Variants in RUNDC3B observed in about 807,000 individuals in gnomAD.
RUNDC3B encodes RUN domain-containing protein 3B.
Under a neutral mutation model 58.4 loss-of-function variants are expected in RUNDC3B, and 33 were observed. The ratio of observed to expected loss-of-function variants is 0.56; its 90% CI spans 0.43 to 0.75. RUNDC3B has a LOEUF of 0.75. Ranked by LOEUF, RUNDC3B falls within the 30% of genes least tolerant of loss-of-function variation. The pLI is 0.00. For missense variants in RUNDC3B, 501 were observed against 535.7 expected, an observed-to-expected ratio of 0.94 and a Z score of 0.64; for synonymous variants, 193 against 195.2, an observed-to-expected ratio of 0.99 and a Z score of 0.10.
At chr7:87,785,686 A>G (rs897713422) in intron 8 of RUNDC3B, among the ~76,000 whole-genome samples, 5 of 152,282 alleles carry the variant, frequency 3.3e-5, no homozygotes, top group African/African-American at 1.2e-4. Flanking sequence ...AGGGAGCACT[A>G]CTTTCTCCTG....
chr7:87,784,184 C>A (rs1835086393), intron 8 of RUNDC3B, among the ~76,000 whole-genome samples: 2 of 152,148 alleles, frequency 1.3e-5, no homozygotes, highest in African/African-American at 4.8e-5. Context: ...TTCAATCTTG[C>A]CATCTAGATT....
chr7:87,724,931 G>T (rs1440703876), intron 4 of RUNDC3B, among the ~76,000 whole-genome samples: 1 of 151,742 alleles, frequency 6.6e-6, no homozygotes, highest in African/African-American at 2.4e-5. Context: ...ATATAGAAAA[G>T]AAATAATTAT....
chr7:87,639,310 G>A (rs1410513848), intron 1 of RUNDC3B, among the ~76,000 whole-genome samples: 1 of 152,146 alleles, frequency 6.6e-6, no homozygotes, highest in Non-Finnish European at 1.5e-5. Flanking sequence ...GCTTTATGAT[G>A]CAGTATATGG....
At chr7:87,692,640 A>C (rs761297406) in intron 2 of RUNDC3B, among the ~76,000 whole-genome samples, 2 of 152,166 alleles carry the variant, frequency 1.3e-5, no homozygotes, top group Admixed American at 6.5e-5. Flanking sequence ...TTTTACTTTG[A>C]TAAGTTTTTA....
chr7:87,706,635 C>G (rs1038397262), intron 3 of RUNDC3B, among the ~76,000 whole-genome samples: 1 of 152,194 alleles, frequency 6.6e-6, no homozygotes, highest in African/African-American at 2.4e-5. Flanking sequence ...GCACATCCAT[C>G]TTTGCTTTAG....
At chr7:87,780,122 TTTA>T (rs758549086) in intron 8 of RUNDC3B, among the ~76,000 whole-genome samples, 20 of 152,280 alleles carry the variant, frequency 1.3e-4, no homozygotes, top group Admixed American at 2.6e-4. Context: ...GGCAGACCAA[TTTA>T]TTTTCTTTTG....
At chr7:87,798,930 A>G (rs889742693) in intron 8 of RUNDC3B, among the ~76,000 whole-genome samples, 6 of 152,194 alleles carry the variant, frequency 3.9e-5, no homozygotes, top group Non-Finnish European at 7.4e-5. Flanking sequence ...ATAATTGTAA[A>G]GTTATATAAA....
intron 1 of RUNDC3B, among the ~76,000 whole-genome samples, chr7:87,641,985 T>C (rs1262673688): frequency 6.6e-6 from 1 of 152,074 alleles, no homozygotes; most frequent in Admixed American, 6.6e-5. Context: ...TCACAAAACA[T>C]CTGTATCTTA....
At chr7:87,699,559 C>T (rs1032500980) in intron 2 of RUNDC3B, among the ~76,000 whole-genome samples, 7 of 152,148 alleles carry the variant, frequency 4.6e-5, no homozygotes, top group African/African-American at 1.7e-4. Context: ...GCATACACCA[C>T]CATGCCCAGC....
In RUNDC3B at chr7:87,700,746, A is replaced by T. The variant is rs565848751; in HGVS notation, c.372+192A>T. ...TGGCTCTCAAATAATGTTCAGCAGA[A>T]CCCTGAAGATGTCCAAGACCCTTTC... On this transcript the variant is annotated intron_variant, in intron 3 of 10. Transcript: ENST00000394654. 7.2e-5 allele frequency among the ~76,000 whole-genome samples: 11 copies of T among 152,336 alleles called. 1 individual carries two copies. The South Asian group carries it at 2.3e-3, about 32-fold the overall frequency.
intron 2 of RUNDC3B, among the ~76,000 whole-genome samples, chr7:87,683,974 C>T (rs1051104185): frequency 6.6e-6 from 1 of 152,050 alleles, no homozygotes; most frequent in South Asian, 2.1e-4. Context: ...AACTGGAATG[C>T]AAGAATGCTT....
intron 6 of RUNDC3B, among the ~76,000 whole-genome samples, chr7:87,757,981 C>G (rs1467972124): frequency 6.6e-6 from 1 of 152,130 alleles, no homozygotes; most frequent in Non-Finnish European, 1.5e-5. Context: ...ACCTCAATCT[C>G]TCACCATATA....
rs866577686 is a variant in RUNDC3B, at chr7:87,695,659, A to G, written c.239-4762A>G. On this transcript the variant is annotated intron_variant, in intron 2 of 10. Transcript: ENST00000394654. ...TTTATCATTCACTTTTTACATAGCTAAGCACTATTACTAAAGATGGGGAAT... is the reference window on the plus strand; with the variant it reads ...TTTATCATTCACTTTTTACATAGCTGAGCACTATTACTAAAGATGGGGAAT... 3.9e-5 allele frequency among the ~76,000 whole-genome samples: 6 copies of G among 152,202 alleles called. 1 individual carries two copies. The South Asian group carries it at 1.2e-3, about 32-fold the overall frequency.
At chr7:87,765,184 G>GT (rs1833911205) in intron 6 of RUNDC3B, among the ~76,000 whole-genome samples, 2 of 151,346 alleles carry the variant, frequency 1.3e-5, no homozygotes, top group Non-Finnish European at 3.0e-5. Flanking sequence ...ATTTTCTCTT[G>GT]TTTTTTCCAT....
intron 2 of RUNDC3B, among the ~76,000 whole-genome samples, chr7:87,680,959 T>G (rs1227840546): frequency 6.6e-6 from 1 of 150,480 alleles, no homozygotes; most frequent in Non-Finnish European, 1.5e-5. Context: ...TTGAAATCAT[T>G]AATAAAATTC....
At position 87,747,607 on chromosome 7, in the gene RUNDC3B, G is replaced by A. The variant is rs531467557; in HGVS notation, c.629+6028G>A. Among the ~76,000 whole-genome samples the A allele has an allele frequency of 3.6e-4, 55 of 152,220 alleles. No homozygotes were observed. In the East Asian group the frequency reaches 4.3e-3, roughly 12 times the overall value. The stretch of plus-strand genomic sequence containing the variant: ...GGGTAGGGAAGGACCATCAGGTGGG[G>A]GCAGGGCTAGGCGTGTCTGAGCTCA... On this transcript the variant is annotated intron_variant, in intron 6 of 10. Transcript: ENST00000394654.
chr7:87,673,021 A>G (rs1825987716), intron 2 of RUNDC3B, among the ~76,000 whole-genome samples: 1 of 152,172 alleles, frequency 6.6e-6, no homozygotes, highest in Non-Finnish European at 1.5e-5. Context: ...TTCCTTTTCT[A>G]TAAGAATGCT....
In RUNDC3B at chr7:87,775,791, G is replaced by T. The variant is rs1563201895; in HGVS notation, c.799-2007G>T. 2.0e-5 allele frequency among the ~76,000 whole-genome samples: 3 copies of T among 152,198 alleles called. No individual in the cohort carries two copies. The East Asian group carries it at 5.8e-4, about 29-fold the overall frequency. The stretch of plus-strand genomic sequence containing the variant: ...CCCAGTATAGTAACATGCTGTACAG[G>T]TTTGTAGCCTAGGAACAATAGGCTA... On this transcript the variant is annotated intron_variant, in intron 7 of 10. Transcript: ENST00000394654.
intron 8 of RUNDC3B, among the ~76,000 whole-genome samples, chr7:87,796,743 G>A (rs1421339560): frequency 2.0e-5 from 3 of 152,216 alleles, no homozygotes; most frequent in South Asian, 2.1e-4. Context: ...AGGTGTTCCC[G>A]GATAAATATA....
Sources: gnomAD v4.1 joint callset for allele counts (sites outside exome capture counted in the v4.1 genomes callset) on GRCh38, gnomAD v4.1.1 for gene constraint, MANE v1.5 for transcripts, NCBI Gene and HGNC (gene_info 2026-07-23, HGNC 2026-07-21) for gene names.